Variants in TGM1 observed in about 807,000 individuals in gnomAD.
TGM1 encodes protein-glutamine gamma-glutamyltransferase K.
Under a neutral mutation model 88.7 loss-of-function variants are expected in TGM1, and 63 were observed. That is an observed-to-expected ratio of 0.71 (90% CI 0.58 to 0.88). TGM1 has a LOEUF of 0.88. Ranked by LOEUF, TGM1 falls within the 40% of genes least tolerant of loss-of-function variation. The pLI is 0.00. For synonymous variants in TGM1, 415 were observed against 431.1 expected (o/e 0.96, Z 0.46); for missense variants, 996 against 1,118.0 (o/e 0.89, Z 1.56).
At chr14:24,261,641 C>A in intron 3 of TGM1, 54 bp downstream of exon 3, 3 of 1,609,576 alleles carry the variant, frequency 1.9e-6, no homozygotes, top group Non-Finnish European at 2.6e-6. Flanking sequence ...CTAATGCCAG[C>A]CTCTCCCCAC....
rs2040746731 is a variant in TGM1 at position 24,255,930 on chromosome 14, G to A, written c.1491+59C>T. ...GCAGAGCTGGTCAGTCAGCGGTGAA[G>A]TTGGGACCAGAGAACCCATGACTGA... On this transcript the variant is annotated intron_variant, in intron 10 of 14. Coordinates refer to ENST00000206765, the MANE Select transcript of TGM1 (RefSeq NM_000359.3). The surrounding 1 kb of genome is among the most constrained non-coding windows in gnomAD (Gnocchi z 4.0). The A allele has an allele frequency of 2.1e-6, 3 of 1,402,772 alleles. No individual in the cohort carries two copies. The highest frequency in any genetic ancestry group is 3.0e-6 in the Non-Finnish European group (3 of 1,011,286). The allele number at this position is 1,402,772 out of a possible 1,614,324, so 86.9% of individuals were successfully genotyped here. A position where few individuals can be genotyped will look rare whatever the true frequency, so the allele number is the denominator to read the frequency against.
chr14:24,257,147 C>T (rs867611901), intron 9 of TGM1, among the ~76,000 whole-genome samples: 3 of 152,184 alleles, frequency 2.0e-5, no homozygotes, highest in Admixed American at 6.5e-5. Context: ...TTCAGCATCA[C>T]AGGCATCACC....
At chr14:24,262,449 G>C in intron 1 of TGM1, 95 bp from the exon 2 acceptor site, 1 of 1,349,166 alleles carries the variant, frequency 7.4e-7, no homozygotes, top group Middle Eastern at 2.2e-4. Flanking sequence ...AGTCCCACCC[G>C]ATGACCGAAA....
In TGM1 at chr14:24,256,092, G is replaced by T; in HGVS notation, c.1403-15C>A. Reference sequence around the variant, plus strand: ...GCAGAAGATGCCTAGAGAGTGAGGCGGGACAGAGGCAAGAGATCTGAGAAG... The same window carrying T: ...GCAGAAGATGCCTAGAGAGTGAGGCTGGACAGAGGCAAGAGATCTGAGAAG... On this transcript the variant is annotated splice_polypyrimidine_tract_variant and intron_variant, in intron 9 of 14. Transcript: ENST00000206765. The T allele has an allele frequency of 6.4e-7, 1 of 1,551,272 alleles. No individual in the cohort carries two copies. Among genetic ancestry groups the T allele is most frequent in the South Asian group, 1.2e-5 (1 of 84,294 alleles).
At chr14:24,251,233 A>G (rs2040698757) in intron 14 of TGM1, among the ~76,000 whole-genome samples, 1 of 152,192 alleles carries the variant, frequency 6.6e-6, no homozygotes, top group Non-Finnish European at 1.5e-5. Flanking sequence ...AATTAAGTCT[A>G]TAACTTAATG....
chr14:24,259,586 G>C lies in TGM1; in HGVS notation c.984+118C>G. The C allele has an allele frequency of 1.2e-6, 1 of 868,944 alleles. No homozygotes were observed. Among genetic ancestry groups the C allele is most frequent in the Middle Eastern group, 3.0e-4 (1 of 3,310 alleles). 53.8% of individuals were successfully genotyped at this position (868,944 alleles called of 1,614,324 possible). A position where few individuals can be genotyped will look rare whatever the true frequency, so the allele number is the denominator to read the frequency against. ...GACCCCTTCCTGAAGTATCCTTTAC[G>C]AGGGCAGGGACAGGGCTGGGGGTTC... On this transcript the variant is annotated intron_variant, in intron 6 of 14. Transcript: ENST00000206765. The surrounding 1 kb of genome is among the most constrained non-coding windows in gnomAD (Gnocchi z 5.7).
Position 24,255,542 on chromosome 14 carries a change from A to G in TGM1, c.1492-25T>C. 2 of 1,612,204 alleles carry G rather than the reference A, an allele frequency of 1.2e-6. No individual in the cohort carries two copies. Among genetic ancestry groups the G allele is most frequent in the Non-Finnish European group, 1.7e-6 (2 of 1,179,976 alleles). On this transcript the variant is annotated intron_variant, in intron 10 of 14. Transcript: ENST00000206765. The surrounding 1 kb of genome is among the most constrained non-coding windows in gnomAD (Gnocchi z 4.0). Reference sequence around the variant, plus strand: ...CCTGTGGGGGGTGGGGGTGAGCAGGAATGAGTGAGCCAGAGGGTCTGAGGG... The same window carrying G: ...CCTGTGGGGGGTGGGGGTGAGCAGGGATGAGTGAGCCAGAGGGTCTGAGGG...
Position 24,255,117 on chromosome 14 carries a change from C to T in TGM1, c.1782G>A (p.Leu594=). The part of the protein sequence containing the change: ...EAQDAVMGQD[L]MVSVMLINHS... Reference sequence around the variant, plus strand: ...GATTGATCAGCATCACAGAGACCATCAGATCCTGCCCCATCACCGCGTCCT... The same window carrying T: ...GATTGATCAGCATCACAGAGACCATTAGATCCTGCCCCATCACCGCGTCCT... Residue 594 remains leucine (L), a synonymous_variant, in exon 12 of 15, where the codon CTG becomes CTA. Transcript: ENST00000206765. The surrounding 1 kb of genome is among the most constrained non-coding windows in gnomAD (Gnocchi z 4.0). The T allele has an allele frequency of 6.2e-7, 1 of 1,614,168 alleles. No individual in the cohort carries two copies. Among genetic ancestry groups the T allele is most frequent in the East Asian group, 2.2e-5 (1 of 44,886 alleles).
chr14:24,250,895 A>G (rs912314484), intron 14 of TGM1, among the ~76,000 whole-genome samples: 1 of 152,228 alleles, frequency 6.6e-6, no homozygotes, highest in Non-Finnish European at 1.5e-5. Context: ...CTTTCCAGAC[A>G]TAGAACCTGT....
In TGM1 at chr14:24,262,024, C is replaced by A. The variant is rs778260078; in HGVS notation, c.319+10G>T. ...TTAGCTCTCAGCTGAGGAGGACAGA[C>A]CGGCCTCACCTCGGATGGTGCCATC... On this transcript the variant is annotated intron_variant, in intron 2 of 14. Coordinates refer to ENST00000206765, the MANE Select transcript of TGM1 (RefSeq NM_000359.3). 5 of 1,613,362 alleles carry A rather than the reference C, an allele frequency of 3.1e-6. No individual in the cohort carries two copies. Among genetic ancestry groups the A allele is most frequent in the Non-Finnish European group, 4.2e-6 (5 of 1,180,010 alleles).
rs121918719 is a variant in TGM1 at position 24,261,775 on chromosome 14, C to T, written c.428G>A (p.Arg143His). ...GAGGAGCATATGGAAAGGCTGCCCG[C>T]GGCGCACTATCAGCTCGTCGTACTC... Reference protein sequence around the residue: ...EYEYDELIVRRGQPFHMLLLL... With the variant: ...EYEYDELIVRHGQPFHMLLLL... The change falls in exon 3 of 15, where the codon CGC (arginine) becomes CAC (histidine). Residue 143 changes from arginine (R) to histidine (H), a missense_variant. Arg to His is a conservative substitution (Grantham distance 29). Transcript: ENST00000206765. 1.5e-5 allele frequency: 24 copies of T among 1,613,930 alleles called. No homozygotes were observed. Among genetic ancestry groups the T allele is most frequent in the East Asian group, 2.2e-5 (1 of 44,892 alleles).
chr14:24,254,283 C>A lies in TGM1; in HGVS notation c.2094G>T (p.Leu698=), dbSNP rs902892399. The stretch of plus-strand genomic sequence containing the variant: ...ACTCCTGGCCAACCACTGCTGCTCC[C>A]AGTAACTGAGAGAAAAAGAGGCCCA... The part of the protein sequence containing the change: ...LRTPDLSLTL[L]GAAVVGQECE... Residue 698 remains leucine, a synonymous_variant, in exon 14 of 15, where the codon CTG becomes CTT. Coordinates refer to ENST00000206765, the MANE Select transcript of TGM1 (RefSeq NM_000359.3). The A allele has an allele frequency of 1.9e-6, 3 of 1,613,896 alleles. No homozygotes were observed. Among genetic ancestry groups the A allele is most frequent in the Non-Finnish European group, 2.5e-6 (3 of 1,180,004 alleles).
In TGM1 at chr14:24,255,669, C is replaced by T; in HGVS notation, c.1492-152G>A. 2.8e-6 allele frequency: 3 copies of T among 1,068,490 alleles called. No homozygotes were observed. The highest frequency in any genetic ancestry group is 2.9e-5 in the South Asian group (2 of 68,806). 66.2% of individuals were successfully genotyped at this position (1,068,490 alleles called of 1,614,324 possible). A position where few individuals can be genotyped will look rare whatever the true frequency, so the allele number is the denominator to read the frequency against. ...TGGCAGAGCCCAAGGGGAGACTTTCCAAGACGAGCCAGACGAGGCCAGAGT... is the reference window on the plus strand; with the variant it reads ...TGGCAGAGCCCAAGGGGAGACTTTCTAAGACGAGCCAGACGAGGCCAGAGT... On this transcript the variant is annotated intron_variant, in intron 10 of 14. Coordinates refer to ENST00000206765, the MANE Select transcript of TGM1 (RefSeq NM_000359.3). The surrounding 1 kb of genome is among the most constrained non-coding windows in gnomAD (Gnocchi z 4.0).
chr14:24,249,407 G>A lies in TGM1; in HGVS notation c.2360C>T (p.Ala787Val). 6.2e-7 allele frequency: 1 copy of A among 1,614,034 alleles called. No homozygotes were observed. The highest frequency in any genetic ancestry group is 1.3e-5 in the African/African-American group (1 of 75,016). ...GAAGCCCCCATCCCCAGGGGCTGGG[G>A]CCACATCCACCTGGATGACACCGTG... ...QVHGVIQVDVAPAPGDGGFFS... is the reference protein window; with the variant it reads ...QVHGVIQVDVVPAPGDGGFFS... The change falls in exon 15 of 15, where the codon GCC (alanine) becomes GTC (valine). Residue 787 changes from alanine (A) to valine (V), a missense_variant. Physicochemically the swap from Ala to Val is moderately conservative, Grantham distance 64 (BLOSUM62 0). Coordinates refer to ENST00000206765, the MANE Select transcript of TGM1 (RefSeq NM_000359.3).
intron 14 of TGM1, among the ~76,000 whole-genome samples, chr14:24,253,494 G>C (rs41293832): frequency 6.9e-4 from 105 of 151,954 alleles, no homozygotes; most frequent in Admixed American, 3.7e-3. Flanking sequence ...GAGAGAGAGA[G>C]ACACACGGGG....
intron 4 of TGM1, 143 bp downstream of exon 4, chr14:24,260,307 G>A: frequency 2.2e-6 from 3 of 1,378,502 alleles, no homozygotes; most frequent in Non-Finnish European, 3.0e-6. Flanking sequence ...TTCTGCACCA[G>A]GCCTCGGTCC....
At chr14:24,260,282 C>G in intron 4 of TGM1, 168 bp downstream of exon 4, 1 of 1,189,242 alleles carries the variant, frequency 8.4e-7, no homozygotes. Flanking sequence ...CTGTGTGACC[C>G]TGGGCTGGCC....
At chr14:24,258,814 A>G (rs1346617056) in intron 7 of TGM1, 141 bp from the exon 8 acceptor site, 3 of 1,333,452 alleles carry the variant, frequency 2.2e-6, no homozygotes, top group South Asian at 1.4e-5. Flanking sequence ...GGGGGCCACA[A>G]GGCCTTTGGG....
rs554951371 is a variant in TGM1, at chr14:24,254,157, G to A, written c.2220C>T (p.Asn740=). 1.8e-4 allele frequency: 283 copies of A among 1,611,464 alleles called. 7 individuals are homozygous for A. The South Asian group carries it at 2.5e-3, about 14-fold the overall frequency. ...GSGLQRPKIL[N]VGDIGGNETV... ...GGGGGAGAGGCCAGACTCACCCAAC[G>A]TTGAGGATCTTGGGCCTCTGTAACC... The change falls in exon 14 of 15, where the codon AAC becomes AAT. Residue 740 remains asparagine (N), a synonymous_variant. Transcript: ENST00000206765.
Sources: gnomAD v4.1 joint callset for allele counts (sites outside exome capture counted in the v4.1 genomes callset) on GRCh38, gnomAD v4.1.1 for gene constraint, Gnocchi (gnomAD v3.1) non-coding constraint, MANE v1.5 for transcripts, NCBI Gene and HGNC (gene_info 2026-07-23, HGNC 2026-07-21) for gene names.